Variants in SNTG1 observed in about 807,000 individuals in gnomAD.
SNTG1 encodes the protein syntrophin gamma 1.
Under a neutral mutation model 74.7 loss-of-function variants are expected in SNTG1, and 39 were observed. That is an observed-to-expected ratio of 0.52 (90% CI 0.40 to 0.68). The LOEUF is 0.68. Among genes scored for constraint, SNTG1 ranks in the 30% least tolerant of loss-of-function variants. The pLI is 0.00. For synonymous variants in SNTG1, 254 were observed against 217.1 expected (o/e 1.17, Z -1.49); for missense variants, 685 against 609.5 (o/e 1.12, Z -1.30).
At chr8:50,004,059 G>A (rs549550450) in intron 1 of SNTG1, among the ~76,000 whole-genome samples, 5 of 152,146 alleles carry the variant, frequency 3.3e-5, no homozygotes, top group South Asian at 4.2e-4. Flanking sequence ...ATGTATATAC[G>A]GGGATCAGGA....
chr8:50,568,798 T>A (rs895378316), intron 12 of SNTG1: 1 of 152,212 alleles, frequency 6.6e-6, no homozygotes, highest in Non-Finnish European at 1.5e-5. Flanking sequence ...TTCTTTGCTG[T>A]GAGGAAGCCT....
intron 1 of SNTG1, among the ~76,000 whole-genome samples, chr8:50,017,931 A>G (rs1428619350): frequency 6.6e-6 from 1 of 152,026 alleles, no homozygotes; most frequent in African/African-American, 2.4e-5. Flanking sequence ...TATCTAAATA[A>G]CTCAGCACTT....
At chr8:50,342,430 G>T (rs945617731) in intron 2 of SNTG1, among the ~76,000 whole-genome samples, 6 of 152,096 alleles carry the variant, frequency 3.9e-5, no homozygotes, top group Non-Finnish European at 8.8e-5. Flanking sequence ...TGTTCGTGGT[G>T]AACCACAGAC....
chr8:50,363,733 A>G (rs560546888), intron 2 of SNTG1, among the ~76,000 whole-genome samples: 48 of 152,250 alleles, frequency 3.2e-4, no homozygotes, highest in African/African-American at 1.1e-3. Flanking sequence ...AGATGCAGCC[A>G]TTTTAAGAGT....
intron 2 of SNTG1, among the ~76,000 whole-genome samples, chr8:50,215,724 C>T (rs975957727): frequency 1.3e-4 from 19 of 151,928 alleles, no homozygotes; most frequent in Admixed American, 2.0e-4. Context: ...TAGGCAGAGA[C>T]ATATCTTCTG....
chr8:50,415,235 C>T (rs561798771), intron 4 of SNTG1, among the ~76,000 whole-genome samples: 3 of 152,042 alleles, frequency 2.0e-5, no homozygotes, highest in South Asian at 4.2e-4. Flanking sequence ...GTAAAGCAGC[C>T]TAGAGGTATT....
intron 1 of SNTG1, among the ~76,000 whole-genome samples, chr8:50,162,226 G>A (rs1392248463): frequency 1.3e-5 from 2 of 152,094 alleles, no homozygotes; most frequent in Non-Finnish European, 2.9e-5. Context: ...AAAGCCAATG[G>A]GAAGTGAGGC....
At chr8:50,781,727 G>T (rs1253996034) in intron 18 of SNTG1, among the ~76,000 whole-genome samples, 1 of 152,126 alleles carries the variant, frequency 6.6e-6, no homozygotes, top group Admixed American at 6.5e-5. Context: ...ATTGTTCTGT[G>T]TGAATTTGAT....
intron 1 of SNTG1, chr8:50,163,797 T>C (rs2131608052): frequency 6.6e-6 from 1 of 152,316 alleles, no homozygotes; most frequent in East Asian, 1.9e-4. Flanking sequence ...ATTTTTTTAG[T>C]AAAATTGATT....
At chr8:50,317,073 GA>G (rs1563887699) in intron 2 of SNTG1, among the ~76,000 whole-genome samples, 2 of 152,270 alleles carry the variant, frequency 1.3e-5, no homozygotes, top group East Asian at 3.9e-4. Context: ...GGAGGAGAAG[GA>G]AAAGCTATTG....
intron 1 of SNTG1, among the ~76,000 whole-genome samples, chr8:50,045,998 GGT>G: frequency 6.6e-6 from 1 of 152,268 alleles, no homozygotes; most frequent in African/African-American, 2.4e-5. Context: ...AGAGCCACAG[GGT>G]GTGTGTAGCA....
chr8:50,093,328 A>G (rs187923909), intron 1 of SNTG1, among the ~76,000 whole-genome samples: 1 of 152,284 alleles, frequency 6.6e-6, no homozygotes, highest in African/African-American at 2.4e-5. Context: ...CATCCATTAA[A>G]GTGTACAATT....
intron 1 of SNTG1, among the ~76,000 whole-genome samples, chr8:50,058,476 G>A (rs1380985893): frequency 6.6e-6 from 1 of 152,126 alleles, no homozygotes; most frequent in African/African-American, 2.4e-5. Flanking sequence ...TGGCACAGCT[G>A]AAAGTGGTAG....
At chr8:50,180,848 C>A (rs866008423) in intron 2 of SNTG1, among the ~76,000 whole-genome samples, 1 of 150,280 alleles carries the variant, frequency 6.7e-6, no homozygotes, top group Admixed American at 6.7e-5. Context: ...GCAACCTCCA[C>A]CTCCCAGGTT....
chr8:50,069,288 G>A (rs1433975943), intron 1 of SNTG1, among the ~76,000 whole-genome samples: 5 of 152,054 alleles, frequency 3.3e-5, no homozygotes, highest in African/African-American at 1.2e-4. Flanking sequence ...TCATGTTGGT[G>A]GCCAGTTTAG....
intron 1 of SNTG1, among the ~76,000 whole-genome samples, chr8:50,159,094 G>A (rs879313971): frequency 6.6e-6 from 1 of 152,026 alleles, no homozygotes; most frequent in Non-Finnish European, 1.5e-5. Context: ...GGCCGTTTGG[G>A]TTTTTTCTCT....
At chr8:50,152,130 T>A (rs2082089474) in intron 1 of SNTG1, among the ~76,000 whole-genome samples, 1 of 152,164 alleles carries the variant, frequency 6.6e-6, no homozygotes, top group African/African-American at 2.4e-5. Context: ...ATAACTCTTC[T>A]TGTCGAATTT....
chr8:50,259,498 CAAA>C (rs1187091123), intron 2 of SNTG1, among the ~76,000 whole-genome samples: 12 of 18,404 alleles, frequency 6.5e-4, no homozygotes, highest in South Asian at 2.1e-3. Context: ...GACGCTGTCT[CAAA>C]AAAAAAAAAA....
intron 16 of SNTG1, 52 bp downstream of exon 16, chr8:50,704,804 CT>C: frequency 6.3e-7 from 1 of 1,590,644 alleles, no homozygotes; most frequent in East Asian, 2.2e-5. Flanking sequence ...TGCATGACCA[CT>C]TCCCTAGAGT....
Sources: gnomAD v4.1 joint callset for allele counts (sites outside exome capture counted in the v4.1 genomes callset) on GRCh38, gnomAD v4.1.1 for gene constraint, MANE v1.5 for transcripts, NCBI Gene and HGNC (gene_info 2026-07-23, HGNC 2026-07-21) for gene names.